The following ZCWPW2 variants were observed in gnomAD, a reference collection of about 807,000 sequenced individuals.
ZCWPW2 encodes zinc finger CW-type PWWP domain protein 2.
ZCWPW2 carries 45 observed loss-of-function variants against 46.6 expected under a neutral mutation model. That is an observed-to-expected ratio of 0.96 (90% CI 0.76 to 1.24). The LOEUF (loss-of-function observed/expected upper bound fraction) is 1.24. ZCWPW2 is among the 50% of genes most tolerant of loss of function. The pLI is 0.00. For missense variants in ZCWPW2, 429 were observed against 403.9 expected (o/e 1.06, Z -0.53); for synonymous variants, 152 against 137.1 (o/e 1.11, Z -0.76).
intron 7 of ZCWPW2, among the ~76,000 whole-genome samples, chr3:28,515,071 T>C (rs1700527306): frequency 6.6e-6 from 1 of 152,230 alleles, no homozygotes; most frequent in Non-Finnish European, 1.5e-5. Context: ...AGTTAGTGAC[T>C]TTCTCAAGAC....
chr3:28,500,113 T>G lies in ZCWPW2; in HGVS notation c.657+7940T>G, dbSNP rs1700101244. ...TACCCTATTCATGGAATTGTTTTTTTAAGGACAATTCCCAGTAGAAGGATT... is the reference window on the plus strand; with the variant it reads ...TACCCTATTCATGGAATTGTTTTTTGAAGGACAATTCCCAGTAGAAGGATT... On this transcript the variant is annotated intron_variant, in intron 6 of 9. Coordinates refer to ENST00000383768, the MANE Select transcript of ZCWPW2 (RefSeq NM_001040432.4). Among the ~76,000 whole-genome samples the G allele has an allele frequency of 2.0e-5, 3 of 152,080 alleles. No homozygotes were observed. The South Asian group carries it at 6.2e-4, about 31-fold the overall frequency.
At chr3:28,360,915 A>T (rs1015250848) in intron 1 of ZCWPW2, among the ~76,000 whole-genome samples, 3 of 152,094 alleles carry the variant, frequency 2.0e-5, no homozygotes, top group African/African-American at 7.2e-5. Flanking sequence ...TAAACCAATA[A>T]AATTAGAATA....
intron 4 of ZCWPW2, among the ~76,000 whole-genome samples, chr3:28,454,124 G>A (rs978507604): frequency 3.3e-5 from 5 of 151,936 alleles, no homozygotes; most frequent in Non-Finnish European, 7.4e-5. Flanking sequence ...GATTACAGGC[G>A]TGAGCCACCG....
At chr3:28,401,083 G>A (rs2125728012) in intron 2 of ZCWPW2, among the ~76,000 whole-genome samples, 1 of 152,080 alleles carries the variant, frequency 6.6e-6, no homozygotes, top group South Asian at 2.1e-4. Flanking sequence ...GGAGGCTGAG[G>A]CAGGAGAATG....
rs1211197825 is a variant in ZCWPW2, at chr3:28,379,486, A to G, written c.-133-11012A>G. ...ACTGTGAATTCTTTCCTGAATATCA[A>G]CAAGTAGAAAGTTTGTCTGTGTGTT... On this transcript the variant is annotated intron_variant, in intron 1 of 9. Coordinates refer to ENST00000383768, the MANE Select transcript of ZCWPW2 (RefSeq NM_001040432.4). Among the ~76,000 whole-genome samples the G allele has an allele frequency of 2.0e-5, 3 of 152,358 alleles. No individual in the cohort carries two copies. The East Asian group carries it at 5.8e-4, about 29-fold the overall frequency.
chr3:28,349,178 A>AGGAGGC lies in ZCWPW2; in HGVS notation c.-148_-143dup, dbSNP rs371137877. On this transcript the variant is annotated 5_prime_UTR_variant, in exon 1 of 10. Coordinates refer to ENST00000383768, the MANE Select transcript of ZCWPW2 (RefSeq NM_001040432.4). ...GGACGGGGCGGGGCCGCGGGACGCCAGGAGGCGGAGGCGGAGTGGAGTTAG... is the reference window on the plus strand; with the variant it reads ...GGACGGGGCGGGGCCGCGGGACGCCAGGAGGCGGAGGCGGAGGCGGAGTGGAGTTAG... 6.9e-5 allele frequency: 68 copies of AGGAGGC among 985,550 alleles called. No homozygotes were observed. The highest frequency in any genetic ancestry group is 1.1e-4 in the East Asian group (1 of 8,786). 61.1% of individuals were successfully genotyped at this position (985,550 alleles called of 1,614,324 possible).
At chr3:28,445,267 A>G (rs1186029882) in intron 4 of ZCWPW2, among the ~76,000 whole-genome samples, 1 of 151,808 alleles carries the variant, frequency 6.6e-6, no homozygotes, top group East Asian at 1.9e-4. Context: ...TTATTAGTCT[A>G]AAAGCTAGTA....
intron 5 of ZCWPW2, among the ~76,000 whole-genome samples, chr3:28,483,947 T>C (rs1169534708): frequency 6.6e-6 from 1 of 152,168 alleles, no homozygotes; most frequent in African/African-American, 2.4e-5. Flanking sequence ...ATTTCTTCTT[T>C]CCAAATGTGT....
intron 1 of ZCWPW2, among the ~76,000 whole-genome samples, chr3:28,368,968 GCATT>G (rs1705217623): frequency 6.6e-6 from 1 of 152,116 alleles, no homozygotes; most frequent in Non-Finnish European, 1.5e-5. Context: ...TGAGGCTTGT[GCATT>G]CATCACGTAG....
intron 1 of ZCWPW2, among the ~76,000 whole-genome samples, chr3:28,382,345 A>G (rs1337436159): frequency 1.3e-5 from 2 of 151,960 alleles, no homozygotes; most frequent in African/African-American, 2.4e-5. Flanking sequence ...GTCCTCACAT[A>G]GTCTTTCCTC....
intron 4 of ZCWPW2, among the ~76,000 whole-genome samples, chr3:28,436,452 G>T (rs1697503911): frequency 7.1e-6 from 1 of 140,584 alleles, no homozygotes; most frequent in Non-Finnish European, 1.5e-5. Context: ...TTTTTTGTTT[G>T]TTTTGTTAAT....
chr3:28,471,341 T>C (rs1699034255), intron 4 of ZCWPW2, among the ~76,000 whole-genome samples: 1 of 152,136 alleles, frequency 6.6e-6, no homozygotes, highest in Non-Finnish European at 1.5e-5. Flanking sequence ...TGAATACTGA[T>C]GCAAAAATCC....
intron 3 of ZCWPW2, among the ~76,000 whole-genome samples, chr3:28,425,393 A>G (rs1378934073): frequency 2.0e-5 from 3 of 152,220 alleles, no homozygotes; most frequent in Admixed American, 6.5e-5. Context: ...ATTACAATAG[A>G]AAAATATAAG....
At chr3:28,477,979 T>C (rs1699294586) in intron 4 of ZCWPW2, among the ~76,000 whole-genome samples, 1 of 152,142 alleles carries the variant, frequency 6.6e-6, no homozygotes, top group African/African-American at 2.4e-5. Context: ...TTTGTTTTTC[T>C]TCTTAAAATA....
chr3:28,449,159 G>C (rs1024244645), intron 4 of ZCWPW2, among the ~76,000 whole-genome samples: 1 of 152,108 alleles, frequency 6.6e-6, no homozygotes, highest in African/African-American at 2.4e-5. Context: ...ATCACCAAAT[G>C]GTGCTCAGAA....
At chr3:28,365,207 C>A (rs1381801242) in intron 1 of ZCWPW2, among the ~76,000 whole-genome samples, 1 of 148,014 alleles carries the variant, frequency 6.8e-6, no homozygotes, top group African/African-American at 2.5e-5. Context: ...GTGTTTTAGA[C>A]ATGAAGTCCT....
Position 28,349,076 on chromosome 3 carries a change from G to C in ZCWPW2, c.-261G>C. On this transcript the variant is annotated 5_prime_UTR_variant, in exon 1 of 10. Transcript: ENST00000383768. ...AGGGAGCTGGGAGGGCGTTAGCGAAGCCAGGTTCGGTCGTGGGGGTGGGGA... is the reference window on the plus strand; with the variant it reads ...AGGGAGCTGGGAGGGCGTTAGCGAACCCAGGTTCGGTCGTGGGGGTGGGGA... 2 of 985,776 alleles carry C rather than the reference G, an allele frequency of 2.0e-6. No individual in the cohort carries two copies. The highest frequency in any genetic ancestry group is 2.4e-6 in the Non-Finnish European group (2 of 830,166). 61.1% of individuals were successfully genotyped at this position (985,776 alleles called of 1,614,324 possible).
At chr3:28,503,958 G>T (rs1435666598) in intron 6 of ZCWPW2, among the ~76,000 whole-genome samples, 2 of 151,990 alleles carry the variant, frequency 1.3e-5, no homozygotes, top group African/African-American at 4.8e-5. Context: ...CACTTTGGAA[G>T]GCTGAGGCAG....
At chr3:28,515,468 A>T in intron 7 of ZCWPW2, 86 bp from the exon 8 acceptor site, 1 of 943,840 alleles carries the variant, frequency 1.1e-6, no homozygotes, top group Non-Finnish European at 1.6e-6. Flanking sequence ...TTTATAATCT[A>T]CAGTTACCAA....
Sources: allele counts gnomAD v4.1 joint callset (sites outside exome capture counted in the v4.1 genomes callset), GRCh38; gene constraint gnomAD v4.1.1; transcripts MANE v1.5; gene names NCBI Gene and HGNC (gene_info 2026-07-23, HGNC 2026-07-21).